Variants in RNGTT observed in about 807,000 individuals in gnomAD.
RNGTT encodes RNA guanylyltransferase and 5'-phosphatase.
A neutral mutation model predicts 79.3 loss-of-function variants in RNGTT; 33 were observed. The ratio of observed to expected loss-of-function variants is 0.42; its 90% CI spans 0.32 to 0.56. RNGTT has a LOEUF of 0.56. Among genes scored for constraint, RNGTT ranks in the 20% least tolerant of loss-of-function variants. The pLI, the probability that RNGTT is intolerant of heterozygous loss-of-function variation, is 0.17. For missense variants in RNGTT, 497 were observed against 739.1 expected (o/e 0.67, Z 3.80); for synonymous variants, 222 against 235.9 (o/e 0.94, Z 0.54).
intron 1 of RNGTT, among the ~76,000 whole-genome samples, chr6:88,954,951 G>A (rs1330747193): frequency 6.6e-6 from 1 of 152,022 alleles, no homozygotes; most frequent in Non-Finnish European, 1.5e-5. Flanking sequence ...CCAGCTACTA[G>A]GGAGGCTGAG....
At chr6:88,652,987 T>C (rs951334424) in intron 14 of RNGTT, among the ~76,000 whole-genome samples, 8 of 152,190 alleles carry the variant, frequency 5.3e-5, no homozygotes, top group Non-Finnish European at 8.8e-5. Context: ...TCTAGACATT[T>C]AATATGAATC....
chr6:88,780,918 G>T (rs1779041609), intron 12 of RNGTT, among the ~76,000 whole-genome samples: 1 of 152,172 alleles, frequency 6.6e-6, no homozygotes, highest in South Asian at 2.1e-4. Context: ...GGGAGATTTT[G>T]CCTCCAAGGG....
chr6:88,925,694 C>T (rs959575344), intron 4 of RNGTT, among the ~76,000 whole-genome samples: 1 of 151,846 alleles, frequency 6.6e-6, no homozygotes, highest in Non-Finnish European at 1.5e-5. Flanking sequence ...GCATAAAAGC[C>T]ACCTAATACT....
chr6:88,897,303 A>T (rs1783283543), intron 6 of RNGTT, among the ~76,000 whole-genome samples: 1 of 152,144 alleles, frequency 6.6e-6, no homozygotes, highest in Admixed American at 6.6e-5. Flanking sequence ...TTCCACTCTC[A>T]TACATAGGCA....
At chr6:88,839,829 T>G (rs1211505100) in intron 11 of RNGTT, among the ~76,000 whole-genome samples, 1 of 152,178 alleles carries the variant, frequency 6.6e-6, no homozygotes, top group Non-Finnish European at 1.5e-5. Flanking sequence ...AATCGCAATT[T>G]GAAAAACAGC....
chr6:88,800,292 T>C (rs1426077823), intron 12 of RNGTT, among the ~76,000 whole-genome samples: 1 of 152,188 alleles, frequency 6.6e-6, no homozygotes, highest in Non-Finnish European at 1.5e-5. Context: ...GCATCCCTAA[T>C]ACAAAAATCC....
intron 1 of RNGTT, among the ~76,000 whole-genome samples, chr6:88,942,002 G>A (rs1395509145): frequency 1.3e-5 from 2 of 151,662 alleles, no homozygotes; most frequent in Non-Finnish European, 2.9e-5. Context: ...TTTGCTGGGG[G>A]GAGCACGTTG....
intron 12 of RNGTT, among the ~76,000 whole-genome samples, chr6:88,797,179 A>AT (rs1458573343): frequency 6.6e-6 from 1 of 152,174 alleles, no homozygotes; most frequent in Non-Finnish European, 1.5e-5. Flanking sequence ...GGGAGGCTTG[A>AT]TTTATTACGA....
chr6:88,670,219 G>C lies in RNGTT; in HGVS notation c.1506+8134C>G, dbSNP rs193255622. On this transcript the variant is annotated intron_variant, in intron 14 of 15. Transcript: ENST00000369485. ...ACATATGCCTGTGCAGGTTTGGCAT[G>C]GATTTGATCCTGGGTCTGTATTTGG... 3.9e-5 allele frequency among the ~76,000 whole-genome samples: 6 copies of C among 152,272 alleles called. No homozygotes were observed. In the East Asian group the frequency reaches 1.2e-3, roughly 29 times the overall value.
chr6:88,735,457 G>A (rs943490198), intron 13 of RNGTT, among the ~76,000 whole-genome samples: 2 of 151,370 alleles, frequency 1.3e-5, no homozygotes, highest in Admixed American at 6.6e-5. Flanking sequence ...CAAATTTAAG[G>A]TTTTTTTCAG....
intron 6 of RNGTT, among the ~76,000 whole-genome samples, chr6:88,895,227 CTCTGTG>C (rs989504943): frequency 2.0e-5 from 2 of 101,536 alleles, no homozygotes; most frequent in East Asian, 5.7e-4. Context: ...TGAGAGAGAG[CTCTGTG>C]TGTGTGTGTG....
At chr6:88,687,721 T>C (rs1360882743) in intron 13 of RNGTT, among the ~76,000 whole-genome samples, 1 of 132,418 alleles carries the variant, frequency 7.6e-6, no homozygotes, top group East Asian at 1.9e-4. Flanking sequence ...AAAGAAAAAG[T>C]ACAAAACATT....
chr6:88,663,750 A>G (rs779638015), intron 14 of RNGTT, among the ~76,000 whole-genome samples: 1 of 152,204 alleles, frequency 6.6e-6, no homozygotes, highest in Non-Finnish European at 1.5e-5. Context: ...CTCCCTTGGC[A>G]GCTTGCTTGC....
chr6:88,830,608 C>T (rs1162985699), intron 11 of RNGTT, among the ~76,000 whole-genome samples: 1 of 139,856 alleles, frequency 7.2e-6, no homozygotes, highest in South Asian at 2.3e-4. Flanking sequence ...GAGAGAGACA[C>T]AAAAAAAAAA....
intron 12 of RNGTT, among the ~76,000 whole-genome samples, chr6:88,797,468 G>A (rs1487640092): frequency 6.6e-6 from 1 of 152,182 alleles, no homozygotes; most frequent in South Asian, 2.1e-4. Flanking sequence ...ATGAAATAGT[G>A]AAAAGAAACT....
chr6:88,612,985 C>A, intron 15 of RNGTT, 103 bp from the exon 16 acceptor site: 1 of 1,031,482 alleles, frequency 9.7e-7, no homozygotes, highest in South Asian at 1.8e-5. Flanking sequence ...TAAATACTTT[C>A]CATTTTACCC....
intron 14 of RNGTT, among the ~76,000 whole-genome samples, chr6:88,636,906 A>G (rs1488639859): frequency 1.3e-5 from 2 of 152,014 alleles, no homozygotes; most frequent in East Asian, 3.8e-4. Flanking sequence ...ACTACAAGAG[A>G]ATATAAAGAA....
intron 14 of RNGTT, among the ~76,000 whole-genome samples, chr6:88,658,997 C>T (rs111822072): frequency 1.2e-4 from 19 of 152,360 alleles, no homozygotes; most frequent in Non-Finnish European, 2.5e-4. Context: ...TATTGTGGGA[C>T]TTCACTGTGA....
At chr6:88,709,568 G>A (rs1216499520) in intron 13 of RNGTT, among the ~76,000 whole-genome samples, 5 of 152,122 alleles carry the variant, frequency 3.3e-5, no homozygotes, top group Non-Finnish European at 7.3e-5. Flanking sequence ...AGATTTTGTA[G>A]TAGTCATATT....
Sources: allele counts gnomAD v4.1 joint callset (sites outside exome capture counted in the v4.1 genomes callset), GRCh38; gene constraint gnomAD v4.1.1; transcripts MANE v1.5; gene names NCBI Gene and HGNC (gene_info 2026-07-23, HGNC 2026-07-21).